ST6GALNAC6: variants seen among roughly 807,000 people sequenced by gnomAD.
The protein encoded by ST6GALNAC6 is alpha-N-acetylgalactosaminide alpha-2,6-sialyltransferase 6.
Under a neutral mutation model 34.3 loss-of-function variants are expected in ST6GALNAC6, and 19 were observed. The observed-to-expected ratio is 0.55, with a 90% CI of 0.39 to 0.81. The LOEUF is 0.81. Ranked by LOEUF, ST6GALNAC6 falls within the 40% of genes least tolerant of loss-of-function variation. ST6GALNAC6 has a pLI of 0.00. For synonymous variants in ST6GALNAC6, 185 were observed against 182.1 expected (o/e 1.02, Z -0.13); for missense variants, 377 against 467.7 (o/e 0.81, Z 1.79).
In ST6GALNAC6 at chr9:127,894,530, G is replaced by A; in HGVS notation, c.279C>T (p.Val93=). 6.2e-7 allele frequency: 1 copy of A among 1,614,050 alleles called. No homozygotes were observed. Among genetic ancestry groups the A allele is most frequent in the Non-Finnish European group, 8.5e-7 (1 of 1,180,034 alleles). ...GCGCTACCTTGTTGCCGAGAATGGG[G>A]ACATAGCCGTCAGTGATGCTCCACT... is the stretch of plus-strand genomic sequence containing the variant. ...LKKWSITDGY[V]PILGNKTLPS... is the part of the protein sequence containing the mutation. The change falls in exon 4 of 7, where the codon GTC becomes GTT. Residue 93 remains valine (V), a synonymous_variant. Transcript: ENST00000373146.
chr9:127,896,916 C>T (rs889700264), intron 2 of ST6GALNAC6: 10 of 985,204 alleles, frequency 1.0e-5, no homozygotes, highest in South Asian at 4.7e-5. Context: ...TCCACAGCCA[C>T]GGAGATTCAG....
intron 5 of ST6GALNAC6, 62 bp from the exon 6 acceptor site, chr9:127,887,653 A>T: frequency 2.2e-6 from 3 of 1,371,554 alleles, no homozygotes; most frequent in Non-Finnish European, 3.1e-6. Flanking sequence ...CAGGTGACCC[A>T]GGGTCACCCA....
intron 1 of ST6GALNAC6, among the ~76,000 whole-genome samples, chr9:127,898,717 G>A (rs1323556229): frequency 6.6e-6 from 1 of 152,272 alleles, no homozygotes; most frequent in Non-Finnish European, 1.5e-5. Context: ...GCCCAGAGCC[G>A]GCTCCAGAGC....
At chr9:127,888,355 T>G (rs1829912511) in intron 5 of ST6GALNAC6, among the ~76,000 whole-genome samples, 2 of 150,538 alleles carry the variant, frequency 1.3e-5, no homozygotes, top group South Asian at 4.2e-4. Flanking sequence ...AATACAAAAA[T>G]TAGCCAGGCA....
At chr9:127,886,829 G>C (rs372786135) in intron 6 of ST6GALNAC6, 41 bp from the exon 7 acceptor site, 1 of 1,547,956 alleles carries the variant, frequency 6.5e-7, no homozygotes, top group South Asian at 1.2e-5. Flanking sequence ...CAAGGTGAGC[G>C]CTGGCAGGGT....
chr9:127,892,298 T>TAAAG (rs1830194302), intron 4 of ST6GALNAC6, among the ~76,000 whole-genome samples: 1 of 152,212 alleles, frequency 6.6e-6, no homozygotes, highest in Non-Finnish European at 1.5e-5. Context: ...TACTTTATAG[T>TAAAG]TTAACTCTGA....
intron 3 of ST6GALNAC6, among the ~76,000 whole-genome samples, chr9:127,896,010 C>A (rs1040611200): frequency 1.3e-5 from 2 of 152,182 alleles, no homozygotes; most frequent in Non-Finnish European, 2.9e-5. Flanking sequence ...GACCGTCAGG[C>A]CTGGGAAGGC....
At chr9:127,906,116 G>C, upstream of ST6GALNAC6, 1 of 779,292 alleles carries the variant, frequency 1.3e-6, no homozygotes, top group Non-Finnish European at 1.6e-6. Flanking sequence ...CCAAGTGCCA[G>C]GTCTCAGCCC....
chr9:127,886,374 G>T lies in ST6GALNAC6; in HGVS notation c.*225C>A. ...GATTGACTGTGCGCAGACCCTGACT[G>T]CACAAGAAAGACACCCCTGATTAAC... is the stretch of plus-strand genomic sequence containing the variant. On this transcript the variant is annotated 3_prime_UTR_variant, in exon 7 of 7. Transcript: ENST00000373146. The T allele has an allele frequency of 1.5e-6, 2 of 1,350,630 alleles. No homozygotes were observed. The highest frequency in any genetic ancestry group is 2.0e-6 in the Non-Finnish European group (2 of 1,022,378). 83.7% of individuals were successfully genotyped at this position (1,350,630 alleles called of 1,614,324 possible).
intron 4 of ST6GALNAC6, among the ~76,000 whole-genome samples, chr9:127,893,184 C>T (rs1018205376): frequency 6.6e-6 from 1 of 151,516 alleles, no homozygotes; most frequent in African/African-American, 2.5e-5. Context: ...ACAAAGGCTC[C>T]AATGTGGAAA....
At chr9:127,901,887 G>A (rs1308014411), upstream of ST6GALNAC6, among the ~76,000 whole-genome samples, 4 of 152,056 alleles carry the variant, frequency 2.6e-5, no homozygotes, top group Admixed American at 2.0e-4. Context: ...GACCGAGATC[G>A]TGCCGCTGCA....
rs1338547463 is a variant in ST6GALNAC6 at position 127,885,671 on chromosome 9, C to G, written c.*928G>C. ...CAAAGGGGCAGCCCCAAAGGCGCCT[C>G]CAACAGTTGGAAAACCTCCCTGCTA... On this transcript the variant is annotated 3_prime_UTR_variant, in exon 7 of 7. Coordinates refer to ENST00000373146, the MANE Select transcript of ST6GALNAC6 (RefSeq NM_013443.5). 6.6e-6 allele frequency: 1 copy of G among 152,220 alleles called. No individual in the cohort carries two copies. The highest frequency in any genetic ancestry group is 2.4e-5 in the African/African-American group (1 of 41,436). 9.4% of individuals were successfully genotyped at this position (152,220 alleles called of 1,614,324 possible).
chr9:127,899,458 T>A, intron 1 of ST6GALNAC6, 45 bp downstream of exon 1: 174 of 558,764 alleles, frequency 3.1e-4, no homozygotes, highest in Middle Eastern at 9.3e-4. Flanking sequence ...AGCCCCCGCC[T>A]CCGCCCCCGC....
In ST6GALNAC6 at chr9:127,890,853, C is replaced by G; in HGVS notation, c.488G>C (p.Arg163Pro). 2 of 1,614,150 alleles carry G rather than the reference C, an allele frequency of 1.2e-6. No homozygotes were observed. The highest frequency in any genetic ancestry group is 1.7e-6 in the Non-Finnish European group (2 of 1,180,026). The change falls in exon 5 of 7, where the codon CGC (arginine) becomes CCC (proline). Residue 163 changes from arginine (R) to proline (P), a missense_variant. By Grantham distance (103) the Arg-to-Pro change is moderately radical (BLOSUM62 -2). Coordinates refer to ENST00000373146, the MANE Select transcript of ST6GALNAC6 (RefSeq NM_013443.5). The surrounding 1 kb of genome is among the most constrained non-coding windows in gnomAD (Gnocchi z 4.3). ...YRVVAHSSVFRVLRRPQEFVN... is the reference protein window; with the variant it reads ...YRVVAHSSVFPVLRRPQEFVN... Reference sequence around the variant, plus strand: ...AAACTCCTGGGGCCTCCTCAGCACGCGGAACACACTGGAATGGGCCACGAC... The same window carrying G: ...AAACTCCTGGGGCCTCCTCAGCACGGGGAACACACTGGAATGGGCCACGAC...
chr9:127,897,212 G>A (rs376586799), intron 2 of ST6GALNAC6: 5 of 985,720 alleles, frequency 5.1e-6, no homozygotes, highest in Non-Finnish European at 6.0e-6. Flanking sequence ...ACCTGTGAAA[G>A]GGAAAATGTA....
At chr9:127,891,125 G>T in intron 4 of ST6GALNAC6, 82 bp from the exon 5 acceptor site, 1 of 1,485,004 alleles carries the variant, frequency 6.7e-7, no homozygotes. Flanking sequence ...CCAGGACCCA[G>T]GAATTGTTAT....
upstream of ST6GALNAC6, among the ~76,000 whole-genome samples, chr9:127,902,283 C>G (rs532719946): frequency 1.3e-5 from 2 of 148,926 alleles, no homozygotes; most frequent in South Asian, 4.3e-4. Flanking sequence ...CTCAGCCTGC[C>G]GAGTAGCTGG....
At chr9:127,899,933 C>T (rs1830691721), upstream of ST6GALNAC6, among the ~76,000 whole-genome samples, 1 of 152,196 alleles carries the variant, frequency 6.6e-6, no homozygotes, top group Non-Finnish European at 1.5e-5. Flanking sequence ...GGAGTTTCTA[C>T]CTGGGCTCCC....
At chr9:127,891,108 C>T in intron 4 of ST6GALNAC6, 65 bp from the exon 5 acceptor site, 3 of 1,551,200 alleles carry the variant, frequency 1.9e-6, no homozygotes, top group South Asian at 2.4e-5. Context: ...TCCATACATC[C>T]AGGCCTCCAG....
Sources: allele counts gnomAD v4.1 joint callset (sites outside exome capture counted in the v4.1 genomes callset), GRCh38; gene constraint gnomAD v4.1.1; non-coding constraint Gnocchi (gnomAD v3.1); transcripts MANE v1.5; gene names NCBI Gene and HGNC (gene_info 2026-07-23, HGNC 2026-07-21).